The following WNK2 variants were observed in gnomAD, a reference collection of about 807,000 sequenced individuals.
WNK2 encodes serine/threonine-protein kinase WNK2.
In WNK2, 67 loss-of-function variants were observed where a neutral mutation model predicts 192.1. The ratio of observed to expected loss-of-function variants is 0.35; its 90% CI spans 0.29 to 0.43. WNK2 has a LOEUF of 0.43. Ranked by LOEUF, WNK2 falls within the 20% of genes least tolerant of loss-of-function variation. The pLI is 1.00. For synonymous variants in WNK2, 1,439 were observed against 1,393.9 expected (o/e 1.03, Z -0.72); for missense variants, 2,698 against 3,089.7 (o/e 0.87, Z 3.01).
In WNK2 at chr9:93,185,316, C is replaced by A; in HGVS notation, c.387C>A (p.Ile129=). 6.6e-7 allele frequency: 1 copy of A among 1,516,640 alleles called. No individual in the cohort carries two copies. The highest frequency in any genetic ancestry group is 1.2e-5 in the South Asian group (1 of 81,344). 93.9% of individuals were successfully genotyped at this position (1,516,640 alleles called of 1,614,324 possible). A position where few individuals can be genotyped will look rare whatever the true frequency, so the allele number is the denominator to read the frequency against. Residue 129 remains isoleucine, a synonymous_variant, in exon 2 of 30, where the codon ATC becomes ATA. Coordinates refer to ENST00000427277, the MANE Select transcript of WNK2 (RefSeq NM_006648.4). ...VGTQEPGPDP[I]AAAVETAPAP... ...CGCAGGAGCCCGGCCCGGACCCCAT[C>A]GCAGCCGCTGTCGAAACCGCGCCTG...
chr9:93,211,010 TTCAC>T (rs1460328504), intron 2 of WNK2, among the ~76,000 whole-genome samples: 2 of 147,366 alleles, frequency 1.4e-5, no homozygotes, highest in Non-Finnish European at 3.0e-5. Flanking sequence ...CTCACTCACA[TTCAC>T]TCATTCACTC....
chr9:93,277,081 T>G (rs1480062368), intron 19 of WNK2, among the ~76,000 whole-genome samples: 1 of 151,972 alleles, frequency 6.6e-6, no homozygotes, highest in African/African-American at 2.4e-5. Flanking sequence ...GAGCAGATAC[T>G]TCACCAAACA....
intron 2 of WNK2, among the ~76,000 whole-genome samples, chr9:93,195,699 C>CAAAAAAAAAAAAAAAAAAAA (rs59357990): frequency 3.4e-4 from 14 of 41,662 alleles, no homozygotes; most frequent in African/African-American, 3.5e-4. Flanking sequence ...GACTTTGTCT[C>CAAAAAAAAAAAAAAAAAAAA]AAAAAAAAAA....
intron 5 of WNK2, among the ~76,000 whole-genome samples, chr9:93,236,718 C>T (rs1018019413): frequency 1.9e-4 from 29 of 152,360 alleles, no homozygotes; most frequent in African/African-American, 5.3e-4. Context: ...CGCACCCCCC[C>T]GCAACAAAGC....
Position 93,289,451 on chromosome 9 carries a change from C to T in WNK2, c.4697C>T (p.Pro1566Leu). Residue 1566 changes from proline to leucine, a missense_variant, in exon 20 of 30, where the codon CCC becomes CTC. This residue lies in a region of WNK2 where 1,098 missense variants were observed against 1,101.0 expected (regional missense o/e 1.00). Coordinates refer to ENST00000427277, the MANE Select transcript of WNK2 (RefSeq NM_006648.4). ...ACTCTGCTCTACCAGGAGCACGTGC[C>T]CACCTCCTCAGCCTCAGCTGGGACC... ...LRTLLYQEHV[P>L]TSSASAGTPV... 6.2e-7 allele frequency: 1 copy of T among 1,612,810 alleles called. No individual in the cohort carries two copies. The highest frequency in any genetic ancestry group is 2.2e-5 in the East Asian group (1 of 44,854).
chr9:93,286,919 C>T (rs189478348), intron 19 of WNK2, among the ~76,000 whole-genome samples: 9 of 152,306 alleles, frequency 5.9e-5, no homozygotes, highest in South Asian at 4.1e-4. Context: ...AAAGACTACA[C>T]GATTCATTCC....
rs778028677 is a variant in WNK2 at position 93,259,450 on chromosome 9, TTGCCCCCGCAACCCACAC to T, written c.2903_2920del (p.Leu968_Arg974delinsTrp). The T allele has an allele frequency of 4.8e-6, 4 of 830,202 alleles. No individual in the cohort carries two copies. The East Asian group carries it at 3.2e-4, about 67-fold the overall frequency. The allele number at this position is 830,202 out of a possible 1,614,324, so 51.4% of individuals were successfully genotyped here. ...ACCCACGCTGCCCCCTCAACCTGTGTTGCCCCCGCAACCCACACGGCCCCCTCAACCTGTGCTGCCCCC... is the reference window on the plus strand; with the variant it reads ...ACCCACGCTGCCCCCTCAACCTGTGTGGCCCCCTCAACCTGTGCTGCCCCC... On this transcript the variant is annotated inframe_deletion, in exon 12 of 30. Transcript: ENST00000427277. This position sits in a 1 kb window ranked among gnomAD's most constrained non-coding sequence, Gnocchi z 4.8.
intron 7 of WNK2, 83 bp downstream of exon 7, chr9:93,240,059 G>A (rs777932685): frequency 2.6e-5 from 37 of 1,423,590 alleles, no homozygotes; most frequent in Non-Finnish European, 3.0e-5. Context: ...AGTGGGCTGA[G>A]GGGGCTTGCT....
At position 93,247,739 on chromosome 9, in the gene WNK2, A is replaced by G; in HGVS notation, c.1739A>G (p.Gln580Arg). ...CAGGTCCAGGTGACCTACCATGCAC[A>G]GGCTGGGCAGCCCGGGCCACCAGAG... ...PLQVQVTYHA[Q>R]AGQPGPPEPE... Residue 580 changes from glutamine (Q) to arginine (R), a missense_variant, in exon 8 of 30, where the codon CAG (glutamine) becomes CGG (arginine). Transcript: ENST00000427277. The surrounding 1 kb of genome is among the most constrained non-coding windows in gnomAD (Gnocchi z 5.2). The G allele has an allele frequency of 6.4e-7, 1 of 1,555,342 alleles. No individual in the cohort carries two copies. Among genetic ancestry groups the G allele is most frequent in the Non-Finnish European group, 8.7e-7 (1 of 1,150,682 alleles).
intron 7 of WNK2, among the ~76,000 whole-genome samples, chr9:93,246,416 G>A (rs147303077): frequency 1.3e-3 from 193 of 152,332 alleles, no homozygotes; most frequent in African/African-American, 4.3e-3. Flanking sequence ...AAGTACGCAT[G>A]TGTCTGTGCA....
intron 2 of WNK2, among the ~76,000 whole-genome samples, chr9:93,223,855 A>G (rs559752250): frequency 5.3e-4 from 80 of 152,330 alleles, no homozygotes; most frequent in African/African-American, 1.8e-3. Context: ...AGGGAACAGA[A>G]GGGGACACAT....
intron 2 of WNK2, among the ~76,000 whole-genome samples, chr9:93,187,446 A>T (rs369749107): frequency 6.6e-6 from 1 of 152,066 alleles, no homozygotes; most frequent in Non-Finnish European, 1.5e-5. Flanking sequence ...GTTTCCCTGC[A>T]TCTCCCCCAA....
intron 2 of WNK2, among the ~76,000 whole-genome samples, chr9:93,212,394 G>T (rs974384627): frequency 2.0e-5 from 3 of 152,214 alleles, no homozygotes; most frequent in Admixed American, 6.5e-5. Flanking sequence ...ATCCCAGAGA[G>T]GCTGGCCCCA....
At chr9:93,275,753 A>G (rs1397630107) in intron 19 of WNK2, among the ~76,000 whole-genome samples, 3 of 152,266 alleles carry the variant, frequency 2.0e-5, no homozygotes, top group Non-Finnish European at 1.5e-5. Flanking sequence ...TGAGTTTAGC[A>G]ATACCATAGG....
chr9:93,256,900 G>C, intron 10 of WNK2, 48 bp from the exon 11 acceptor site: 3 of 1,503,276 alleles, frequency 2.0e-6, no homozygotes, highest in Admixed American at 2.2e-5. Flanking sequence ...GGGTGCGCTT[G>C]TCTGGGCAGA....
intron 23 of WNK2, 102 bp downstream of exon 23, chr9:93,293,275 C>G (rs1849672456): frequency 8.4e-7 from 1 of 1,188,960 alleles, no homozygotes; most frequent in East Asian, 2.9e-5. Flanking sequence ...CCTGGCCAAG[C>G]AGCGCCCACT....
At chr9:93,187,818 T>G (rs4524855) in intron 2 of WNK2, among the ~76,000 whole-genome samples, 70,370 of 151,512 alleles carry the variant, frequency 0.46, 17,347 homozygotes, top group East Asian at 0.56. Context: ...CTGCTGGGCG[T>G]GTGGAACGGA....
intron 8 of WNK2, among the ~76,000 whole-genome samples, chr9:93,248,962 C>A (rs1206193887): frequency 6.6e-6 from 1 of 152,228 alleles, no homozygotes; most frequent in African/African-American, 2.4e-5. Flanking sequence ...CTTCATTTAT[C>A]ATTGAAATGG....
chr9:93,291,527 C>T (rs1271966068), intron 21 of WNK2, among the ~76,000 whole-genome samples: 6 of 152,132 alleles, frequency 3.9e-5, no homozygotes, highest in Non-Finnish European at 4.4e-5. Context: ...ATGTTACATA[C>T]GGCTTGGGGA....
Sources: allele counts gnomAD v4.1 joint callset (sites outside exome capture counted in the v4.1 genomes callset), GRCh38; gene constraint gnomAD v4.1.1; regional missense constraint gnomAD v4.1.1; non-coding constraint Gnocchi (gnomAD v3.1); transcripts MANE v1.5; gene names NCBI Gene and HGNC (gene_info 2026-07-23, HGNC 2026-07-21).